GRIK2: variants seen among roughly 807,000 people sequenced by gnomAD.
GRIK2 encodes the protein glutamate ionotropic receptor kainate type subunit 2, also known as glutamate receptor ionotropic, kainate 2.
In GRIK2, 32 loss-of-function variants were observed where a neutral mutation model predicts 100.3. The observed-to-expected ratio is 0.32, with a 90% confidence interval of 0.24 to 0.43. The LOEUF (loss-of-function observed/expected upper bound fraction) is 0.43, where lower values mean the gene tolerates loss of function less well. Among genes scored for constraint, GRIK2 ranks in the 20% least tolerant of loss-of-function variants. GRIK2 has a pLI of 1.00. For synonymous variants in GRIK2, 417 were observed against 389.4 expected (o/e 1.07, Z -0.83); for missense variants, 843 against 1,114.9 (o/e 0.76, Z 3.47).
chr6:101,939,160 G>A (rs1790795047), intron 14 of GRIK2, among the ~76,000 whole-genome samples: 1 of 151,970 alleles, frequency 6.6e-6, no homozygotes, highest in Admixed American at 6.6e-5. Flanking sequence ...ATAATTTATT[G>A]TTGAGTCAAT....
chr6:101,609,477 C>T (rs557342826), intron 2 of GRIK2, among the ~76,000 whole-genome samples: 1 of 151,856 alleles, frequency 6.6e-6, no homozygotes, highest in African/African-American at 2.4e-5. Context: ...TTAGCAAATA[C>T]CTGAGGCTTT....
chr6:101,829,013 AC>A (rs1241203646), intron 10 of GRIK2, among the ~76,000 whole-genome samples: 1 of 152,058 alleles, frequency 6.6e-6, no homozygotes, highest in African/African-American at 2.4e-5. Context: ...AAAATTCTCA[AC>A]AAAATGTAAC....
intron 2 of GRIK2, among the ~76,000 whole-genome samples, chr6:101,462,700 G>A (rs1431387510): frequency 7.9e-5 from 12 of 152,270 alleles, no homozygotes; most frequent in African/African-American, 2.4e-4. Flanking sequence ...AGTAAACTGC[G>A]AATGAAGAAA....
At chr6:101,974,048 T>C (rs1793220546) in intron 14 of GRIK2, among the ~76,000 whole-genome samples, 2 of 152,068 alleles carry the variant, frequency 1.3e-5, no homozygotes, top group African/African-American at 4.8e-5. Flanking sequence ...TTTATTAAAT[T>C]ATACTACTTC....
intron 2 of GRIK2, among the ~76,000 whole-genome samples, chr6:101,469,434 C>A (rs544885019): frequency 6.6e-6 from 1 of 152,102 alleles, no homozygotes; most frequent in Admixed American, 6.6e-5. Context: ...ACCCACTGGG[C>A]CCGTTTAAAT....
intron 15 of GRIK2, among the ~76,000 whole-genome samples, chr6:102,038,902 C>A (rs1016004904): frequency 6.6e-6 from 1 of 151,262 alleles, no homozygotes; most frequent in Non-Finnish European, 1.5e-5. Context: ...ACTTCCTTTT[C>A]TTTGCTTTTA....
chr6:101,751,952 AT>A, intron 7 of GRIK2, among the ~76,000 whole-genome samples: 1 of 152,158 alleles, frequency 6.6e-6, no homozygotes, highest in East Asian at 1.9e-4. Flanking sequence ...AGGAGATTCT[AT>A]TTCTTTCACT....
At chr6:101,882,151 T>C (rs973317146) in intron 11 of GRIK2, among the ~76,000 whole-genome samples, 4 of 152,052 alleles carry the variant, frequency 2.6e-5, no homozygotes, top group African/African-American at 9.7e-5. Flanking sequence ...GATTCAATTA[T>C]CTTCCACTGG....
At chr6:101,520,841 G>A (rs189092126) in intron 2 of GRIK2, among the ~76,000 whole-genome samples, 35 of 152,038 alleles carry the variant, frequency 2.3e-4, no homozygotes, top group African/African-American at 8.2e-4. Context: ...AATGTCTTGC[G>A]GTCTCAGAGA....
chr6:101,580,534 C>T (rs1041973000), intron 2 of GRIK2, among the ~76,000 whole-genome samples: 3 of 152,116 alleles, frequency 2.0e-5, no homozygotes. Flanking sequence ...ATTAGTTCAC[C>T]TGCATCTATC....
At chr6:101,792,530 T>A (rs1779952218) in intron 7 of GRIK2, among the ~76,000 whole-genome samples, 1 of 152,074 alleles carries the variant, frequency 6.6e-6, no homozygotes, top group African/African-American at 2.4e-5. Flanking sequence ...ATGTTGAATA[T>A]TGGCCCCCAC....
chr6:101,925,133 A>G (rs1789802843), intron 13 of GRIK2, among the ~76,000 whole-genome samples: 1 of 152,176 alleles, frequency 6.6e-6, no homozygotes, highest in Non-Finnish European at 1.5e-5. Context: ...CTTGGTGATT[A>G]GATGCATTTG....
At chr6:101,913,804 T>A (rs1025568649) in intron 12 of GRIK2, among the ~76,000 whole-genome samples, 1 of 151,564 alleles carries the variant, frequency 6.6e-6, no homozygotes, top group African/African-American at 2.4e-5. Flanking sequence ...GAGTGTCATG[T>A]ATGAGATATT....
chr6:101,398,410 G>A (rs1339939245), intron 1 of GRIK2, among the ~76,000 whole-genome samples: 1 of 152,152 alleles, frequency 6.6e-6, no homozygotes, highest in Non-Finnish European at 1.5e-5. Flanking sequence ...CCCCAGTCAA[G>A]TTTTTAAAGA....
intron 5 of GRIK2, among the ~76,000 whole-genome samples, chr6:101,682,298 T>C (rs1418627385): frequency 6.6e-6 from 1 of 152,234 alleles, no homozygotes; most frequent in East Asian, 1.9e-4. Flanking sequence ...CCTTCTTTAA[T>C]GTGTTAAGCC....
intron 12 of GRIK2, among the ~76,000 whole-genome samples, chr6:101,923,420 T>A (rs1789681919): frequency 1.3e-5 from 2 of 152,196 alleles, no homozygotes; most frequent in South Asian, 4.1e-4. Context: ...ATATCTGGAT[T>A]ATAATTAGCA....
intron 2 of GRIK2, among the ~76,000 whole-genome samples, chr6:101,503,159 T>C (rs1297241228): frequency 6.6e-6 from 1 of 152,174 alleles, no homozygotes; most frequent in Non-Finnish European, 1.5e-5. Flanking sequence ...TGCAGAGAAG[T>C]CAAATACCTT....
At chr6:101,475,945 T>C (rs542126858) in intron 2 of GRIK2, among the ~76,000 whole-genome samples, 5 of 152,060 alleles carry the variant, frequency 3.3e-5, no homozygotes, top group Non-Finnish European at 5.9e-5. Context: ...GGTAAATATA[T>C]ACAAAAGAGC....
chr6:101,940,902 A>G (rs544277137), intron 14 of GRIK2, among the ~76,000 whole-genome samples: 1 of 152,282 alleles, frequency 6.6e-6, no homozygotes, highest in East Asian at 1.9e-4. Context: ...TTAAAACCAA[A>G]GCAGTGCAAG....
Sources: allele counts gnomAD v4.1 joint callset (sites outside exome capture counted in the v4.1 genomes callset), GRCh38; gene constraint gnomAD v4.1.1; transcripts MANE v1.5; gene names NCBI Gene and HGNC (gene_info 2026-07-23, HGNC 2026-07-21).